Variants in DLEC1 observed in about 807,000 individuals in gnomAD.
DLEC1 encodes the protein DLEC1 cilia and flagella associated protein.
In DLEC1, 146 loss-of-function variants were observed where a neutral mutation model predicts 198.1. The ratio of observed to expected loss-of-function variants is 0.74; its 90% CI spans 0.64 to 0.85. DLEC1 has a LOEUF of 0.85. Ranked by LOEUF, DLEC1 falls within the 40% of genes least tolerant of loss-of-function variation. The pLI, the probability that DLEC1 is intolerant of heterozygous loss-of-function variation, is 0.00. For missense variants in DLEC1, 2,233 were observed against 2,220.0 expected, an observed-to-expected ratio of 1.01 and a Z score of -0.12; for synonymous variants, 897 against 866.8, an observed-to-expected ratio of 1.03 and a Z score of -0.61.
In DLEC1 at chr3:38,122,495, GAC is replaced by G. The variant is rs1559472075; in HGVS notation, c.*87_*88del. 1 of 1,613,076 alleles carries G rather than the reference GAC, an allele frequency of 6.2e-7. No homozygotes were observed. The highest frequency in any genetic ancestry group is 1.1e-5 in the South Asian group (1 of 90,578). ...ATTAGGAGCAGCTCTTCAGCACAAA[GAC>G]ACAGACTTGGGGACCTGGGGACCTC... is the stretch of plus-strand genomic sequence containing the variant. On this transcript the variant is annotated 3_prime_UTR_variant, in exon 37 of 37. Coordinates refer to ENST00000308059, the MANE Select transcript of DLEC1 (RefSeq NM_007335.4).
intron 2 of DLEC1, among the ~76,000 whole-genome samples, chr3:38,059,233 G>T (rs1696548023): frequency 6.6e-6 from 1 of 152,184 alleles, no homozygotes. Flanking sequence ...TCCCCCTGGG[G>T]TCTAAGATGA....
chr3:38,088,485 C>T, intron 10 of DLEC1, 97 bp downstream of exon 10: 1 of 1,172,416 alleles, frequency 8.5e-7, no homozygotes, highest in Non-Finnish European at 1.3e-6. Context: ...CATCCCATAT[C>T]ACAGCCTTAG....
Position 38,122,750 on chromosome 3 carries a change from C to G in DLEC1, c.*338C>G. 7.8e-7 allele frequency: 1 copy of G among 1,276,528 alleles called. No homozygotes were observed. The highest frequency in any genetic ancestry group is 1.0e-6 in the Non-Finnish European group (1 of 964,208). The allele number at this position is 1,276,528 out of a possible 1,614,324, so 79.1% of individuals were successfully genotyped here. On this transcript the variant is annotated 3_prime_UTR_variant, in exon 37 of 37. Transcript: ENST00000308059. The stretch of plus-strand genomic sequence containing the variant: ...CACTTTTACTATGCCCATTGCACTT[C>G]TCATCCATGGATTTGCCTTGCCTTA...
At chr3:38,060,362 G>A (rs141561768) in intron 3 of DLEC1, among the ~76,000 whole-genome samples, 3 of 152,264 alleles carry the variant, frequency 2.0e-5, no homozygotes, top group East Asian at 3.9e-4. Flanking sequence ...GAATGAGTGG[G>A]GTGGGAGGCT....
chr3:38,054,553 A>C (rs1404237371), intron 2 of DLEC1, among the ~76,000 whole-genome samples: 2 of 152,230 alleles, frequency 1.3e-5, no homozygotes, highest in African/African-American at 4.8e-5. Context: ...GGCTGATGTC[A>C]TGGCCGATGC....
chr3:38,083,447 A>G (rs751706518), intron 6 of DLEC1, among the ~76,000 whole-genome samples: 2 of 152,178 alleles, frequency 1.3e-5, no homozygotes, highest in Non-Finnish European at 1.5e-5. Flanking sequence ...ATAAGGTCAC[A>G]TCATCACTTA....
At chr3:38,058,554 G>GT (rs1209396277) in intron 2 of DLEC1, among the ~76,000 whole-genome samples, 1 of 152,042 alleles carries the variant, frequency 6.6e-6, no homozygotes, top group East Asian at 1.9e-4. Context: ...TATTCTTCCT[G>GT]TTTTTTCTTT....
chr3:38,052,206 C>T lies in DLEC1; in HGVS notation c.562+6513C>T, dbSNP rs113479689. 1,236 of 451,308 alleles carry T rather than the reference C, an allele frequency of 2.7e-3. 19 individuals are homozygous for T. The highest frequency in any genetic ancestry group is 0.023 in the African/African-American group (1,145 of 49,672). The allele number at this position is 451,308 out of a possible 1,614,324, so 28.0% of individuals were successfully genotyped here. On this transcript the variant is annotated intron_variant, in intron 2 of 36. Transcript: ENST00000308059. ...TCTCAGAAATAATTTCATCCATACC[C>T]AATGTAAAATGTAGCCATAGTGGGC...
At chr3:38,081,670 A>C (rs1222723077) in intron 6 of DLEC1, among the ~76,000 whole-genome samples, 4 of 56,122 alleles carry the variant, frequency 7.1e-5, no homozygotes, top group Admixed American at 1.8e-4. Flanking sequence ...GGGGGGGCTG[A>C]CCCCCCCATC....
chr3:38,120,684 GA>G, intron 34 of DLEC1, 75 bp downstream of exon 34: 1 of 1,583,238 alleles, frequency 6.3e-7, no homozygotes, highest in South Asian at 1.1e-5. Context: ...GCCAGAGGAG[GA>G]AAGACCTAGC....
chr3:38,096,686 C>T lies in DLEC1; in HGVS notation c.2289C>T (p.Leu763=), dbSNP rs1238998347. Residue 763 remains leucine, a synonymous_variant, in exon 15 of 37, where the codon CTC becomes CTT. Transcript: ENST00000308059. The stretch of plus-strand genomic sequence containing the variant: ...AGGTTCTCTTAGAGCCATATGCCCT[C>T]ATCATCCCAGGGGAGAACTACATTG... ...PFQVLLEPYA[L]IIPGENYIGI... The T allele has an allele frequency of 5.0e-6, 8 of 1,613,330 alleles. No homozygotes were observed. The highest frequency in any genetic ancestry group is 5.9e-6 in the Non-Finnish European group (7 of 1,179,872).
At chr3:38,085,510 C>T in intron 8 of DLEC1, 63 bp downstream of exon 8, 1 of 1,577,708 alleles carries the variant, frequency 6.3e-7, no homozygotes. Flanking sequence ...ATAAGGACTG[C>T]CTGCCTCTCA....
chr3:38,052,163 C>A, intron 2 of DLEC1: 1 of 413,710 alleles, frequency 2.4e-6, no homozygotes, highest in Non-Finnish European at 4.9e-6. Context: ...CCTCAAGATC[C>A]CAGCAGTAGG....
Position 38,112,360 on chromosome 3 carries a change from CG to C in DLEC1, c.3666+1del. 1 of 1,614,046 alleles carries C rather than the reference CG, an allele frequency of 6.2e-7. No homozygotes were observed. ...GAGTACTGGGACAACCTCATCTGCA[CG>C]GTAAGGGTACACAAGAGGGCAGTGG... is the stretch of plus-strand genomic sequence containing the variant. ...WGEYWDNLIC[T>X]VGDLLPEVIP... On this transcript the variant is annotated frameshift_variant and splice_region_variant, in exon 25 of 37. Coordinates refer to ENST00000308059, the MANE Select transcript of DLEC1 (RefSeq NM_007335.4). LOFTEE classifies it high-confidence loss of function. The surrounding 1 kb of genome is among the most constrained non-coding windows in gnomAD (Gnocchi z 4.8).
intron 7 of DLEC1, 84 bp from the exon 8 acceptor site, chr3:38,085,190 G>A: frequency 6.7e-7 from 1 of 1,486,904 alleles, no homozygotes; most frequent in Non-Finnish European, 9.3e-7. Flanking sequence ...AGCCCTGGCA[G>A]GGCTGGGGTC....
chr3:38,079,768 G>A (rs1165689334), intron 6 of DLEC1, among the ~76,000 whole-genome samples: 1 of 152,220 alleles, frequency 6.6e-6, no homozygotes, highest in African/African-American at 2.4e-5. Context: ...GGTTCTGGAG[G>A]AATGCCTGGC....
intron 21 of DLEC1, among the ~76,000 whole-genome samples, 171 bp downstream of exon 21, chr3:38,108,686 A>G (rs1003883844): frequency 6.6e-6 from 1 of 152,166 alleles, no homozygotes; most frequent in Non-Finnish European, 1.5e-5. Flanking sequence ...TCTGCTCCCT[A>G]GGGACACATG....
chr3:38,043,543 A>T (rs9311177), intron 1 of DLEC1, among the ~76,000 whole-genome samples: 59,497 of 152,018 alleles, frequency 0.39, 11,934 homozygotes, highest in East Asian at 0.59. Context: ...TTAGCCTTCC[A>T]TATATCCTCA....
At chr3:38,093,399 G>A (rs553332080) in intron 11 of DLEC1, among the ~76,000 whole-genome samples, 1 of 151,404 alleles carries the variant, frequency 6.6e-6, no homozygotes, top group Admixed American at 6.6e-5. Context: ...TATATGCTAG[G>A]TTCTCAAAAT....
Sources: allele counts gnomAD v4.1 joint callset (sites outside exome capture counted in the v4.1 genomes callset), GRCh38; gene constraint gnomAD v4.1.1; non-coding constraint Gnocchi (gnomAD v3.1); transcripts MANE v1.5; gene names NCBI Gene and HGNC (gene_info 2026-07-23, HGNC 2026-07-21).